The following HDAC4 variants were observed in gnomAD, a reference collection of about 807,000 sequenced individuals.
HDAC4 encodes histone deacetylase A.
Under a neutral mutation model 135.1 loss-of-function variants are expected in HDAC4, and 16 were observed. That is an observed-to-expected ratio of 0.12 (90% confidence interval 0.08 to 0.18). The LOEUF is 0.18. HDAC4 is among the 10% of genes least tolerant of loss of function. The pLI is 1.00. For missense variants in HDAC4, 1,143 were observed against 1,511.8 expected, an observed-to-expected ratio of 0.76 and a Z score of 4.05; for synonymous variants, 685 against 653.4, an observed-to-expected ratio of 1.05 and a Z score of -0.74.
chr2:239,107,801 A>G (rs978878110), intron 15 of HDAC4, among the ~76,000 whole-genome samples: 1 of 152,136 alleles, frequency 6.6e-6, no homozygotes, highest in African/African-American at 2.4e-5. Context: ...AAACATCAGG[A>G]AAGGTCACAG....
chr2:239,095,956 A>G (rs1314601316), intron 16 of HDAC4, among the ~76,000 whole-genome samples: 1 of 152,086 alleles, frequency 6.6e-6, no homozygotes, highest in Non-Finnish European at 1.5e-5. Flanking sequence ...GACTGGCTTG[A>G]TGTAACAGGC....
intron 2 of HDAC4, among the ~76,000 whole-genome samples, chr2:239,341,546 A>C (rs570285680): frequency 9.8e-5 from 15 of 152,332 alleles, no homozygotes; most frequent in African/African-American, 3.4e-4. Context: ...GGCTTTCAGG[A>C]CAACACATGG....
chr2:239,073,205 G>A (rs1266093835), intron 22 of HDAC4, among the ~76,000 whole-genome samples: 2 of 152,198 alleles, frequency 1.3e-5, no homozygotes, highest in Non-Finnish European at 2.9e-5. Context: ...TGGCTTCTGA[G>A]CAGTCTGCTT....
intron 2 of HDAC4, among the ~76,000 whole-genome samples, chr2:239,275,660 CA>C (rs1291229553): frequency 1.3e-5 from 2 of 152,116 alleles, no homozygotes; most frequent in African/African-American, 4.8e-5. Flanking sequence ...TCGGTACTGC[CA>C]CCCTGCGACT....
At chr2:239,061,097 A>C (rs1424627259) in intron 24 of HDAC4, among the ~76,000 whole-genome samples, 2 of 152,258 alleles carry the variant, frequency 1.3e-5, no homozygotes, top group Non-Finnish European at 2.9e-5. Context: ...CTGCATGCAG[A>C]TAAAACATTC....
At chr2:239,265,994 C>T (rs866444878) in intron 2 of HDAC4, among the ~76,000 whole-genome samples, 5 of 152,262 alleles carry the variant, frequency 3.3e-5, no homozygotes, top group East Asian at 3.9e-4. Flanking sequence ...ATGGCAGGAG[C>T]GTGGCCTGCC....
At chr2:239,298,142 T>G in intron 2 of HDAC4, 1 of 1,204,090 alleles carries the variant, frequency 8.3e-7, no homozygotes, top group Non-Finnish European at 1.1e-6. Context: ...AACAAGAAAT[T>G]CCAAACCAAA....
At chr2:239,191,250 C>T (rs922020061) in intron 3 of HDAC4, among the ~76,000 whole-genome samples, 1 of 152,224 alleles carries the variant, frequency 6.6e-6, no homozygotes, top group Non-Finnish European at 1.5e-5. Flanking sequence ...AGCTCCTCGC[C>T]CCTCAGGGTC....
chr2:239,370,451 A>G (rs1233985688), intron 1 of HDAC4, among the ~76,000 whole-genome samples: 15 of 152,186 alleles, frequency 9.9e-5, no homozygotes, highest in Admixed American at 9.8e-4. Context: ...GTAAAACTGG[A>G]TTTGCCCAGA....
Position 239,303,182 on chromosome 2 carries a change from T to C in HDAC4, c.22+49496A>G, listed in dbSNP as rs569263008. Among the ~76,000 whole-genome samples, 1 of 152,306 alleles carries C rather than the reference T, an allele frequency of 6.6e-6. No homozygotes were observed. The highest frequency in any genetic ancestry group is 2.4e-5 in the African/African-American group (1 of 41,556). On this transcript the variant is annotated intron_variant, in intron 2 of 26. Transcript: ENST00000543185. The surrounding 1 kb of genome is among the most constrained non-coding windows in gnomAD (Gnocchi z 5.1). The stretch of plus-strand genomic sequence containing the variant: ...GCGTGAGGCACCTGGCCCTGGCCTG[T>C]TCCCATCCCACACCCGGCTGCTCAG...
rs915065435 is a variant in HDAC4, at chr2:239,141,073, T to C, written c.866-1277A>G. 1 of 281,444 alleles carries C rather than the reference T, an allele frequency of 3.6e-6. No homozygotes were observed. Among genetic ancestry groups the C allele is most frequent in the Non-Finnish European group, 7.8e-6 (1 of 127,964 alleles). 17.4% of individuals were successfully genotyped at this position (281,444 alleles called of 1,614,324 possible). The stretch of plus-strand genomic sequence containing the variant: ...TGAGGAAGGTGCCATTATGACCCCG[T>C]TTCCCAGAAGAGGAGATGGAGGCAT... On this transcript the variant is annotated intron_variant, in intron 8 of 26. Transcript: ENST00000543185. This position sits in a 1 kb window ranked among gnomAD's most constrained non-coding sequence, Gnocchi z 4.9.
chr2:239,254,054 C>T lies in HDAC4; in HGVS notation c.23-17390G>A, dbSNP rs1559289277. Among the ~76,000 whole-genome samples, 9 of 152,282 alleles carry T rather than the reference C, an allele frequency of 5.9e-5. No individual in the cohort carries two copies. The South Asian group carries it at 1.9e-3, about 32-fold the overall frequency. On this transcript the variant is annotated intron_variant, in intron 2 of 26. Transcript: ENST00000543185. ...TTCAGTGAGAATCTAAGACCCTAAACCTGGGTCCCTGTGGATGTGGCCTCC... is the reference window on the plus strand; with the variant it reads ...TTCAGTGAGAATCTAAGACCCTAAATCTGGGTCCCTGTGGATGTGGCCTCC...
At chr2:239,340,563 G>A (rs1325271559) in intron 2 of HDAC4, among the ~76,000 whole-genome samples, 3 of 152,196 alleles carry the variant, frequency 2.0e-5, no homozygotes, top group South Asian at 2.1e-4. Flanking sequence ...TACCCTTCCA[G>A]CTGTCAGATG....
rs79235740 is a variant in HDAC4, at chr2:239,306,655, C to G, written c.22+46023G>C. Among the ~76,000 whole-genome samples the G allele has an allele frequency of 0.02, 3,000 of 152,268 alleles. 96 individuals carry two copies. The highest frequency in any genetic ancestry group is 0.068 in the African/African-American group (2,843 of 41,556). On this transcript the variant is annotated intron_variant, in intron 2 of 26. Transcript: ENST00000543185. This position sits in a 1 kb window ranked among gnomAD's most constrained non-coding sequence, Gnocchi z 4.5. Reference sequence around the variant, plus strand: ...CCATGTTCCCCCTATATGCCCCCCACACTGCCCAGGTGATGGCAGAACCCA... The same window carrying G: ...CCATGTTCCCCCTATATGCCCCCCAGACTGCCCAGGTGATGGCAGAACCCA...
chr2:239,063,524 C>T (rs1328334624), intron 24 of HDAC4, among the ~76,000 whole-genome samples: 1 of 152,206 alleles, frequency 6.6e-6, no homozygotes. Context: ...TTTAAGGCAG[C>T]ACTGTCAGCT....
intron 15 of HDAC4, among the ~76,000 whole-genome samples, chr2:239,104,507 G>C (rs2037947877): frequency 6.6e-6 from 1 of 152,252 alleles, no homozygotes; most frequent in African/African-American, 2.4e-5. Context: ...TGGTATTACA[G>C]GAGTGAGCCA....
At chr2:239,121,929 G>A (rs1276741570) in intron 12 of HDAC4, among the ~76,000 whole-genome samples, 1 of 152,218 alleles carries the variant, frequency 6.6e-6, no homozygotes, top group African/African-American at 2.4e-5. Context: ...GCTTTGGGAG[G>A]TGAGCCGGAC....
At chr2:239,339,738 A>G (rs1559372257) in intron 2 of HDAC4, among the ~76,000 whole-genome samples, 1 of 152,176 alleles carries the variant, frequency 6.6e-6, no homozygotes, top group Non-Finnish European at 1.5e-5. Flanking sequence ...GGCCACACCC[A>G]TGCAAATCAG....
At chr2:239,239,177 C>T (rs1458335950) in intron 2 of HDAC4, among the ~76,000 whole-genome samples, 3 of 152,212 alleles carry the variant, frequency 2.0e-5, no homozygotes, top group Admixed American at 2.0e-4. Context: ...AGGCTGCCCC[C>T]ATTTCAGACA....
Sources: allele counts gnomAD v4.1 joint callset (sites outside exome capture counted in the v4.1 genomes callset), GRCh38; gene constraint gnomAD v4.1.1; non-coding constraint Gnocchi (gnomAD v3.1); transcripts MANE v1.5; gene names NCBI Gene and HGNC (gene_info 2026-07-23, HGNC 2026-07-21).